Variants in TTBK2 observed in about 807,000 individuals in gnomAD.
TTBK2 encodes tau tubulin kinase 2, also known as tau-tubulin kinase 2.
In TTBK2, 28 loss-of-function variants were observed where a neutral mutation model predicts 110.8. That is an observed-to-expected ratio of 0.25 (90% CI 0.19 to 0.35). TTBK2 has a LOEUF of 0.35. Among genes scored for constraint, TTBK2 ranks in the 10% least tolerant of loss-of-function variants. TTBK2 has a pLI of 1.00. For synonymous variants in TTBK2, 532 were observed against 527.3 expected, an observed-to-expected ratio of 1.01 and a Z score of -0.12; for missense variants, 1,369 against 1,500.3, an observed-to-expected ratio of 0.91 and a Z score of 1.45.
In TTBK2 at chr15:42,753,044, T is replaced by C; in HGVS notation, c.2202A>G (p.Ile734Met). The change falls in exon 14 of 15, where the codon ATA (isoleucine) becomes ATG (methionine). Residue 734 changes from isoleucine to methionine, a missense_variant. Transcript: ENST00000267890. Reference protein sequence around the residue: ...GGSRTDLGLQIDHIGHDMLPN... With the variant: ...GGSRTDLGLQMDHIGHDMLPN... ...GTAACATGTCATGACCAATGTGATC[T>C]ATCTGAAGCCCCAAATCTGTTCTGC... The C allele has an allele frequency of 6.2e-7, 1 of 1,613,654 alleles. No homozygotes were observed. The highest frequency in any genetic ancestry group is 8.5e-7 in the Non-Finnish European group (1 of 1,179,770).
intron 1 of TTBK2, among the ~76,000 whole-genome samples, chr15:42,886,370 A>C (rs1325063272): frequency 6.6e-6 from 1 of 152,122 alleles, no homozygotes; most frequent in Non-Finnish European, 1.5e-5. Flanking sequence ...CTGGAGCTAA[A>C]GGCATACTCA....
chr15:42,920,255 G>C (rs1351542262), intron 1 of TTBK2, among the ~76,000 whole-genome samples, 183 bp downstream of exon 1: 6 of 152,328 alleles, frequency 3.9e-5, no homozygotes, highest in African/African-American at 1.4e-4. Flanking sequence ...GGCAGAACCA[G>C]AACGATCTCC....
intron 3 of TTBK2, among the ~76,000 whole-genome samples, chr15:42,849,129 A>G (rs1416506845): frequency 6.7e-6 from 1 of 149,216 alleles, no homozygotes; most frequent in Non-Finnish European, 1.5e-5. Flanking sequence ...TTTTGATATT[A>G]TCTCATAGGT....
intron 9 of TTBK2, among the ~76,000 whole-genome samples, chr15:42,807,688 C>T (rs1159153537): frequency 6.6e-6 from 1 of 152,106 alleles, no homozygotes; most frequent in Non-Finnish European, 1.5e-5. Flanking sequence ...ACTCCTGCCT[C>T]AATCGCCCAA....
At chr15:42,756,822 A>G (rs928058257) in intron 13 of TTBK2, among the ~76,000 whole-genome samples, 7 of 151,692 alleles carry the variant, frequency 4.6e-5, no homozygotes, top group Non-Finnish European at 8.8e-5. Flanking sequence ...GCTTGAGCCC[A>G]GGAGTTTGAG....
chr15:42,865,922 C>T (rs1459241596), intron 3 of TTBK2, among the ~76,000 whole-genome samples: 1 of 152,156 alleles, frequency 6.6e-6, no homozygotes, highest in Non-Finnish European at 1.5e-5. Flanking sequence ...TCACTTCAAA[C>T]ATCAATGGTC....
At chr15:42,909,769 AC>A (rs1338671937) in intron 1 of TTBK2, among the ~76,000 whole-genome samples, 1 of 152,224 alleles carries the variant, frequency 6.6e-6, no homozygotes, top group Non-Finnish European at 1.5e-5. Flanking sequence ...GCAAAACTAA[AC>A]TACGTTAAAT....
At chr15:42,827,248 T>C (rs1481463851) in intron 6 of TTBK2, among the ~76,000 whole-genome samples, 1 of 152,088 alleles carries the variant, frequency 6.6e-6, no homozygotes, top group Non-Finnish European at 1.5e-5. Flanking sequence ...AAGAACGGAA[T>C]AGATTTCACT....
At chr15:42,747,742 G>GAC (rs548682981) in intron 14 of TTBK2, among the ~76,000 whole-genome samples, 43 of 152,278 alleles carry the variant, frequency 2.8e-4, no homozygotes, top group African/African-American at 9.9e-4. Flanking sequence ...TAGTGAGAAG[G>GAC]ACCCTAGGGC....
At chr15:42,763,166 A>ACACG (rs1889141871) in intron 13 of TTBK2, among the ~76,000 whole-genome samples, 1 of 11,884 alleles carries the variant, frequency 8.4e-5, no homozygotes, top group African/African-American at 4.1e-4. Flanking sequence ...ACATATATAT[A>ACACG]TATATATATA....
chr15:42,868,644 C>T (rs1262937374), intron 3 of TTBK2, among the ~76,000 whole-genome samples: 2 of 151,396 alleles, frequency 1.3e-5, no homozygotes, highest in African/African-American at 4.9e-5. Flanking sequence ...ACTGCTTGAG[C>T]CCAGGAATTT....
chr15:42,911,864 G>C (rs2030772914), intron 1 of TTBK2, among the ~76,000 whole-genome samples: 1 of 152,028 alleles, frequency 6.6e-6, no homozygotes, highest in African/African-American at 2.4e-5. Flanking sequence ...TCTACATCAG[G>C]GGTGTCCAAT....
chr15:42,809,752 T>C (rs559368092), intron 9 of TTBK2, among the ~76,000 whole-genome samples: 2 of 152,322 alleles, frequency 1.3e-5, no homozygotes, highest in South Asian at 4.1e-4. Context: ...CTCAAGGCTG[T>C]ATGTTGCCTC....
In TTBK2 at chr15:42,807,403, C is replaced by CTAT. The variant is rs533415613; in HGVS notation, c.822+3208_822+3210dup. ...TTTGTGTTACCAGGATCACGTGATC[C>CTAT]TATTATTATTATTATTATTATTATT... is the stretch of plus-strand genomic sequence containing the variant. On this transcript the variant is annotated intron_variant, in intron 9 of 14. Transcript: ENST00000267890. Among the ~76,000 whole-genome samples the CTAT allele has an allele frequency of 1.5e-3, 220 of 151,038 alleles. 3 individuals carry two copies. The highest frequency in any genetic ancestry group is 3.6e-3 in the South Asian group (17 of 4,770).
At chr15:42,829,398 G>C (rs1892659441) in intron 5 of TTBK2, among the ~76,000 whole-genome samples, 1 of 152,182 alleles carries the variant, frequency 6.6e-6, no homozygotes, top group Non-Finnish European at 1.5e-5. Context: ...CAAGAACACA[G>C]TATGAACAAC....
intron 1 of TTBK2, among the ~76,000 whole-genome samples, chr15:42,917,956 AAGCTAT>A (rs1162125013): frequency 1.3e-5 from 2 of 152,146 alleles, no homozygotes; most frequent in Non-Finnish European, 2.9e-5. Context: ...GGAAAGAAGT[AAGCTAT>A]AGCTATATTT....
rs146696164 is a variant in TTBK2, at chr15:42,863,879, A to G, written c.217+8732T>C. On this transcript the variant is annotated intron_variant, in intron 3 of 14. Coordinates refer to ENST00000267890, the MANE Select transcript of TTBK2 (RefSeq NM_173500.4). ...GGTGCTGGGATAACTTGCTGGCCAT[A>G]TGCAGAAAATTGAAACTAGACCCCT... 1.5e-3 allele frequency among the ~76,000 whole-genome samples: 225 copies of G among 152,340 alleles called. 1 individual carries two copies. The highest frequency in any genetic ancestry group is 6.8e-3 in the Middle Eastern group (2 of 294).
Position 42,775,267 on chromosome 15 carries a change from T to G in TTBK2, c.1866A>C (p.Ala622=), listed in dbSNP as rs1889857618. The G allele has an allele frequency of 1.2e-6, 2 of 1,614,140 alleles. No individual in the cohort carries two copies. The highest frequency in any genetic ancestry group is 1.7e-6 in the Non-Finnish European group (2 of 1,180,058). The change falls in exon 13 of 15, where the codon GCA becomes GCC. Residue 622 remains alanine, a synonymous_variant. Coordinates refer to ENST00000267890, the MANE Select transcript of TTBK2 (RefSeq NM_173500.4). ...CTGAAGCAGCAGTAGGAGGACCCTCTGCAGAAAGTGCTAAGACCACACCTG... is the reference window on the plus strand; with the variant it reads ...CTGAAGCAGCAGTAGGAGGACCCTCGGCAGAAAGTGCTAAGACCACACCTG... The part of the protein sequence containing the change: ...ETSGVVLALS[A]EGPPTAASEQ...
In TTBK2 at chr15:42,775,263, C is replaced by G. The variant is rs747901093; in HGVS notation, c.1870G>C (p.Gly624Arg). The change falls in exon 13 of 15, where the codon GGT becomes CGT. Residue 624 changes from glycine to arginine, a missense_variant. Around this residue, in one of 4 missense-constraint regions of TTBK2, gnomAD observed 1,097 missense variants for 1,114.7 expected, o/e 0.98. Coordinates refer to ENST00000267890, the MANE Select transcript of TTBK2 (RefSeq NM_173500.4). ...SGVVLALSAE[G>R]PPTAASEQYT... Reference sequence around the variant, plus strand: ...TGTTCTGAAGCAGCAGTAGGAGGACCCTCTGCAGAAAGTGCTAAGACCACA... The same window carrying G: ...TGTTCTGAAGCAGCAGTAGGAGGACGCTCTGCAGAAAGTGCTAAGACCACA... 1 of 1,614,124 alleles carries G rather than the reference C, an allele frequency of 6.2e-7. No individual in the cohort carries two copies. The highest frequency in any genetic ancestry group is 8.5e-7 in the Non-Finnish European group (1 of 1,180,022).
Sources: gnomAD v4.1 joint callset for allele counts (sites outside exome capture counted in the v4.1 genomes callset) on GRCh38, gnomAD v4.1.1 for gene constraint, gnomAD v4.1.1 regional missense constraint, MANE v1.5 for transcripts, NCBI Gene and HGNC (gene_info 2026-07-23, HGNC 2026-07-21) for gene names.